The following RNF169 variants were observed in gnomAD, a reference collection of about 807,000 sequenced individuals.
RNF169 encodes the protein ring finger protein 169, also known as E3 ubiquitin-protein ligase RNF169.
In RNF169, 24 loss-of-function variants were observed where a neutral mutation model predicts 53.9. That is an observed-to-expected ratio of 0.45 (90% confidence interval 0.32 to 0.63). RNF169 has a LOEUF of 0.63. Ranked by LOEUF, RNF169 falls within the 20% of genes least tolerant of loss-of-function variation. The probability of loss-of-function intolerance (pLI) is 0.04; values close to 1 mark genes in which losing one functional copy is unlikely to be tolerated. For synonymous variants in RNF169, 396 were observed against 363.5 expected, an observed-to-expected ratio of 1.09 and a Z score of -1.02; for missense variants, 883 against 906.2, an observed-to-expected ratio of 0.97 and a Z score of 0.33.
At chr11:74,753,129 C>T (rs548023386) in intron 1 of RNF169, among the ~76,000 whole-genome samples, 10 of 152,190 alleles carry the variant, frequency 6.6e-5, no homozygotes, top group Admixed American at 4.6e-4. Context: ...CCACCACGCC[C>T]GGCTAATTTT....
chr11:74,785,232 T>TGATATATATATGTTATATATGTTAG lies in RNF169; in HGVS notation c.503-4394_503-4393insGATATATATATGTTATATATGTTAG, dbSNP rs1565176563. Among the ~76,000 whole-genome samples, 11 of 81,512 alleles carry TGATATATATATGTTATATATGTTAG rather than the reference T, an allele frequency of 1.3e-4. 1 individual carries two copies. In the East Asian group the frequency reaches 1.8e-3, roughly 13 times the overall value. The allele number at this position is 81,512 out of a possible 152,430, so 53.5% of individuals were successfully genotyped here. On this transcript the variant is annotated intron_variant, in intron 1 of 5. Coordinates refer to ENST00000299563, the MANE Select transcript of RNF169 (RefSeq NM_001098638.2). ...TATGATATATATATGTTATATATAT[T>TGATATATATATGTTATATATGTTAG]ATATATATGTTATATATGTTAGATA...
intron 1 of RNF169, among the ~76,000 whole-genome samples, chr11:74,752,729 CT>C (rs200332074): frequency 2.7e-5 from 4 of 150,384 alleles, no homozygotes; most frequent in African/African-American, 4.9e-5. Flanking sequence ...CTGTAACTTG[CT>C]TTTTTTTTGG....
intron 1 of RNF169, among the ~76,000 whole-genome samples, chr11:74,778,642 G>A (rs978056768): frequency 4.6e-5 from 7 of 152,110 alleles, no homozygotes; most frequent in South Asian, 2.1e-4. Flanking sequence ...GAGAACTGCC[G>A]CCACTTTCAA....
In RNF169 at chr11:74,749,386, G is replaced by C. The variant is rs1301901263; in HGVS notation, c.502+4G>C. 1.6e-6 allele frequency: 2 copies of C among 1,248,718 alleles called. No homozygotes were observed. Among genetic ancestry groups the C allele is most frequent in the African/African-American group, 3.1e-5 (2 of 64,998 alleles). 77.4% of individuals were successfully genotyped at this position (1,248,718 alleles called of 1,614,324 possible). On this transcript the variant is annotated splice_donor_region_variant and intron_variant, in intron 1 of 5. Coordinates refer to ENST00000299563, the MANE Select transcript of RNF169 (RefSeq NM_001098638.2). ...CGTGCCGCGCCTGCGGAGCCAGGTG[G>C]AGCTTCCCCACTTCCCCTTAGGGTC... is the stretch of plus-strand genomic sequence containing the variant.
chr11:74,795,642 C>G (rs1217170664), intron 2 of RNF169, among the ~76,000 whole-genome samples: 5 of 152,214 alleles, frequency 3.3e-5, no homozygotes. Flanking sequence ...AGGAGGATCT[C>G]TTGAGCCCAG....
rs183429085 is a variant in RNF169 at position 74,789,673 on chromosome 11, C to T, written c.550C>T (p.Arg184Cys). The T allele has an allele frequency of 4.8e-4, 774 of 1,606,046 alleles. 3 individuals carry two copies. The African/African-American group carries it at 9.2e-3, about 19-fold the overall frequency. The change falls in exon 2 of 6, where the codon CGT becomes TGT. Residue 184 changes from arginine to cysteine, a missense_variant. Arg to Cys is a radical substitution (Grantham distance 180). This residue lies in a region of RNF169 where 313 missense variants were observed against 279.9 expected (regional missense o/e 1.12). Transcript: ENST00000299563. ...PIKLSKPGEL[R>C]EEYESLRKLR... ...CAAATTAAGCAAGCCTGGGGAACTTCGTGAGGAATATGAAAGCTTGAGAAA... is the reference window on the plus strand; with the variant it reads ...CAAATTAAGCAAGCCTGGGGAACTTTGTGAGGAATATGAAAGCTTGAGAAA...
At chr11:74,801,169 A>G (rs1029058466) in intron 2 of RNF169, among the ~76,000 whole-genome samples, 2 of 152,260 alleles carry the variant, frequency 1.3e-5, no homozygotes, top group African/African-American at 2.4e-5. Flanking sequence ...GGTAAGAATC[A>G]TAAGAGCAAG....
intron 1 of RNF169, among the ~76,000 whole-genome samples, chr11:74,769,979 A>G (rs1036429025): frequency 6.6e-6 from 1 of 152,188 alleles, no homozygotes; most frequent in Admixed American, 6.5e-5. Flanking sequence ...TTAGTACTAT[A>G]CAGGGTCTCA....
intron 2 of RNF169, among the ~76,000 whole-genome samples, chr11:74,804,542 A>C (rs957382083): frequency 1.3e-5 from 2 of 152,212 alleles, no homozygotes; most frequent in Non-Finnish European, 2.9e-5. Flanking sequence ...TGCAACCACT[A>C]TCACTCACTG....
chr11:74,766,011 C>T (rs2035169181), intron 1 of RNF169, among the ~76,000 whole-genome samples: 2 of 151,800 alleles, frequency 1.3e-5, no homozygotes, highest in Admixed American at 6.6e-5. Context: ...TAACCCTAAC[C>T]TCTGGCAAGA....
chr11:74,836,213 G>A lies in RNF169; in HGVS notation c.1610G>A (p.Gly537Glu). 1 of 1,614,196 alleles carries A rather than the reference G, an allele frequency of 6.2e-7. No individual in the cohort carries two copies. Among genetic ancestry groups the A allele is most frequent in the Non-Finnish European group, 8.5e-7 (1 of 1,180,038 alleles). Reference protein sequence around the residue: ...ETCCSSELKGGGSGTSLEREQ... With the variant: ...ETCCSSELKGEGSGTSLEREQ... The stretch of plus-strand genomic sequence containing the variant: ...TGCTGTTCCTCAGAACTCAAAGGGG[G>A]AGGCAGTGGGACTTCTTTGGAGAGG... Residue 537 changes from glycine to glutamate, a missense_variant, in exon 6 of 6, where the codon GGA (glycine) becomes GAA (glutamate). This residue lies in a region of RNF169 where 351 missense variants were observed against 337.3 expected (regional missense o/e 1.04). Transcript: ENST00000299563.
chr11:74,788,410 T>C (rs1469563912), intron 1 of RNF169, among the ~76,000 whole-genome samples: 1 of 152,202 alleles, frequency 6.6e-6, no homozygotes, highest in Non-Finnish European at 1.5e-5. Flanking sequence ...TTTTTGTTTT[T>C]GAAACAGAGT....
intron 1 of RNF169, among the ~76,000 whole-genome samples, chr11:74,779,249 G>C (rs1218333704): frequency 6.6e-6 from 1 of 152,168 alleles, no homozygotes; most frequent in African/African-American, 2.4e-5. Flanking sequence ...TGTGTGGGCT[G>C]TGGCATTTCT....
In RNF169 at chr11:74,828,315, C is replaced by G. The variant is rs370028858; in HGVS notation, c.843-6361C>G. Among the ~76,000 whole-genome samples, 6 of 152,192 alleles carry G rather than the reference C, an allele frequency of 3.9e-5. No individual in the cohort carries two copies. In the East Asian group the frequency reaches 9.7e-4, roughly 24 times the overall value. ...TCAAGGAGAACTACAAACCACTGCTCAAAGAAATCAGAGATGACCCAAACA... is the reference window on the plus strand; with the variant it reads ...TCAAGGAGAACTACAAACCACTGCTGAAAGAAATCAGAGATGACCCAAACA... On this transcript the variant is annotated intron_variant, in intron 4 of 5. Transcript: ENST00000299563.
At chr11:74,765,554 A>G (rs1161801408) in intron 1 of RNF169, among the ~76,000 whole-genome samples, 1 of 152,196 alleles carries the variant, frequency 6.6e-6, no homozygotes, top group African/African-American at 2.4e-5. Flanking sequence ...CAATCCCAGC[A>G]CTTTGGGAGG....
intron 3 of RNF169, among the ~76,000 whole-genome samples, chr11:74,811,012 CTCCTA>C (rs1181913795): frequency 6.6e-6 from 1 of 152,092 alleles, no homozygotes; most frequent in African/African-American, 2.4e-5. Context: ...CATCTTTAGA[CTCCTA>C]TCTTTTAAAA....
At chr11:74,780,039 A>T (rs1354262814) in intron 1 of RNF169, among the ~76,000 whole-genome samples, 5 of 152,184 alleles carry the variant, frequency 3.3e-5, no homozygotes, top group Non-Finnish European at 7.3e-5. Flanking sequence ...TGCACTTAAC[A>T]TATGTTTCAT....
chr11:74,773,230 T>A (rs2035284690), intron 1 of RNF169, among the ~76,000 whole-genome samples: 1 of 152,170 alleles, frequency 6.6e-6, no homozygotes, highest in Admixed American at 6.5e-5. Context: ...ATATCTGGCA[T>A]ATAGTAGGTT....
intron 1 of RNF169, among the ~76,000 whole-genome samples, chr11:74,781,139 G>A (rs188497091): frequency 6.6e-6 from 1 of 152,238 alleles, no homozygotes; most frequent in Non-Finnish European, 1.5e-5. Context: ...TTTCAAGGAA[G>A]ATAGGCTCGG....
Sources: allele counts gnomAD v4.1 joint callset (sites outside exome capture counted in the v4.1 genomes callset), GRCh38; gene constraint gnomAD v4.1.1; regional missense constraint gnomAD v4.1.1; transcripts MANE v1.5; gene names NCBI Gene and HGNC (gene_info 2026-07-23, HGNC 2026-07-21).